Variants in FLT3 observed in about 807,000 individuals in gnomAD.
FLT3 encodes fms related receptor tyrosine kinase 3.
A neutral mutation model predicts 126.6 loss-of-function variants in FLT3; 46 were observed. The observed-to-expected ratio is 0.36, with a 90% CI of 0.29 to 0.46. The LOEUF (loss-of-function observed/expected upper bound fraction) is 0.46, where lower values mean the gene tolerates loss of function less well. Ranked by LOEUF, FLT3 falls within the 20% of genes least tolerant of loss-of-function variation. The pLI is 1.00. For synonymous variants in FLT3, 404 were observed against 434.4 expected (o/e 0.93, Z 0.87); for missense variants, 1,069 against 1,190.3 (o/e 0.90, Z 1.50).
chr13:28,091,505 G>C (rs1426466805), intron 1 of FLT3, among the ~76,000 whole-genome samples: 1 of 151,862 alleles, frequency 6.6e-6, no homozygotes, highest in Non-Finnish European at 1.5e-5. Context: ...ACAGGCGTGA[G>C]CCACCGCGCC....
chr13:28,039,210 T>C (rs1874117693), intron 9 of FLT3, among the ~76,000 whole-genome samples: 1 of 152,202 alleles, frequency 6.6e-6, no homozygotes, highest in Admixed American at 6.5e-5. Context: ...ACTTACTTTA[T>C]TTATTTATTG....
chr13:28,091,305 T>C (rs1440938978), intron 1 of FLT3, among the ~76,000 whole-genome samples: 7 of 127,324 alleles, frequency 5.5e-5, no homozygotes, highest in South Asian at 2.9e-4. Context: ...CACTGCAAGC[T>C]CCGCCTCCCG....
chr13:28,049,636 T>A lies in FLT3; in HGVS notation c.881A>T (p.Glu294Val). ...TWELENKALE[E>V]GNYFEMSTYS... Reference sequence around the variant, plus strand: ...CAGAATACAAACTTGTCCTATTACCTCCTCGAGTGCTTTGTTTTCTAATTC... The same window carrying A: ...CAGAATACAAACTTGTCCTATTACCACCTCGAGTGCTTTGTTTTCTAATTC... Residue 294 changes from glutamate (E) to valine (V), a missense_variant and splice_region_variant, in exon 7 of 24, where the codon GAG becomes GTG. Coordinates refer to ENST00000241453, the MANE Select transcript of FLT3 (RefSeq NM_004119.3). The A allele has an allele frequency of 6.2e-7, 1 of 1,614,130 alleles. No homozygotes were observed. Among genetic ancestry groups the A allele is most frequent in the Non-Finnish European group, 8.5e-7 (1 of 1,179,996 alleles).
chr13:28,013,527 T>C (rs997146147), intron 23 of FLT3, among the ~76,000 whole-genome samples: 10 of 152,238 alleles, frequency 6.6e-5, no homozygotes, highest in Non-Finnish European at 2.9e-5. Flanking sequence ...TCTCCTTTAT[T>C]TATTTCATCT....
chr13:28,010,383 C>T (rs1318015654), intron 23 of FLT3, among the ~76,000 whole-genome samples: 1 of 152,192 alleles, frequency 6.6e-6, no homozygotes, highest in East Asian at 1.9e-4. Flanking sequence ...TTGAGTCTCA[C>T]ATGGAGTTAC....
intron 1 of FLT3, among the ~76,000 whole-genome samples, chr13:28,082,193 C>T (rs1878370096): frequency 1.3e-5 from 2 of 152,078 alleles, no homozygotes; most frequent in Non-Finnish European, 2.9e-5. Flanking sequence ...CTCTGTCGCC[C>T]AGGCTGGAGT....
In FLT3 at chr13:28,023,449, C is replaced by G; in HGVS notation, c.2319G>C (p.Arg773Ser). The change falls in exon 19 of 24, where the codon AGG becomes AGC. Residue 773 changes from arginine (R) to serine (S), a missense_variant. Coordinates refer to ENST00000241453, the MANE Select transcript of FLT3 (RefSeq NM_004119.3). ...EDEIEYENQK[R>S]LEEEEDLNVL... ...CATTCAAGTCCTCCTCTTCTTCCAG[C>G]CTTTTTTGGTTTTCATATTCAATTT... is the stretch of plus-strand genomic sequence containing the variant. 1 of 1,613,966 alleles carries G rather than the reference C, an allele frequency of 6.2e-7. No individual in the cohort carries two copies. Among genetic ancestry groups the G allele is most frequent in the Non-Finnish European group, 8.5e-7 (1 of 1,179,938 alleles).
At chr13:28,030,561 C>T (rs61944202) in intron 15 of FLT3, among the ~76,000 whole-genome samples, 1,774 of 152,166 alleles carry the variant, frequency 0.012, 27 homozygotes, top group Middle Eastern at 0.048. Context: ...CAATACAGTG[C>T]CATAAATGCA....
intron 2 of FLT3, among the ~76,000 whole-genome samples, chr13:28,069,187 G>A (rs927871418): frequency 1.3e-5 from 2 of 151,742 alleles, no homozygotes; most frequent in African/African-American, 2.4e-5. Flanking sequence ...ATTGTAGCAG[G>A]AAGAGGCCAC....
At position 28,048,450 on chromosome 13, in the gene FLT3, G is replaced by C. The variant is rs753586227; in HGVS notation, c.1037-7C>G. 3 of 1,548,332 alleles carry C rather than the reference G, an allele frequency of 1.9e-6. No individual in the cohort carries two copies. In the East Asian group the frequency reaches 6.7e-5, roughly 35 times the overall value. On this transcript the variant is annotated splice_polypyrimidine_tract_variant and splice_region_variant and intron_variant, in intron 8 of 23. Coordinates refer to ENST00000241453, the MANE Select transcript of FLT3 (RefSeq NM_004119.3). Reference sequence around the variant, plus strand: ...GCATTTATAAATCCCTTTTCTGTAAGAAAAAATAGGCATTTATGAGTTAGT... The same window carrying C: ...GCATTTATAAATCCCTTTTCTGTAACAAAAAATAGGCATTTATGAGTTAGT...
chr13:28,077,248 A>G (rs1038843407), intron 1 of FLT3, among the ~76,000 whole-genome samples: 2 of 152,134 alleles, frequency 1.3e-5, no homozygotes, highest in Non-Finnish European at 2.9e-5. Context: ...AGCTTCATAT[A>G]TTAGTCCGTT....
At chr13:28,031,775 T>G (rs1873371669) in intron 15 of FLT3, among the ~76,000 whole-genome samples, 1 of 152,130 alleles carries the variant, frequency 6.6e-6, no homozygotes. Context: ...GCCAGCGCTC[T>G]GGGGTGCCGA....
intron 1 of FLT3, among the ~76,000 whole-genome samples, chr13:28,071,340 TA>T (rs1877503425): frequency 1.3e-5 from 2 of 151,968 alleles, no homozygotes; most frequent in African/African-American, 4.8e-5. Context: ...TATGGGTGCT[TA>T]TAGAATCTTT....
intron 9 of FLT3, among the ~76,000 whole-genome samples, chr13:28,040,801 G>A (rs924342233): frequency 8.6e-5 from 13 of 151,598 alleles, no homozygotes; most frequent in Middle Eastern, 3.4e-3. Flanking sequence ...GTTTGAGATC[G>A]GCCTGGGCAA....
At chr13:28,020,977 T>G (rs542799459) in intron 19 of FLT3, among the ~76,000 whole-genome samples, 33 of 152,222 alleles carry the variant, frequency 2.2e-4, no homozygotes, top group African/African-American at 7.7e-4. Context: ...ATTACAAGCC[T>G]GGGGTTGAAG....
chr13:28,024,369 G>A (rs1872640899), intron 18 of FLT3, among the ~76,000 whole-genome samples: 1 of 151,966 alleles, frequency 6.6e-6, no homozygotes, highest in South Asian at 2.1e-4. Context: ...CTGACCTCAG[G>A]TGACCTGCCT....
At chr13:28,099,570 C>G (rs955741701) in intron 1 of FLT3, among the ~76,000 whole-genome samples, 1 of 152,164 alleles carries the variant, frequency 6.6e-6, no homozygotes, top group Admixed American at 6.5e-5. Flanking sequence ...GATGAGGACG[C>G]GGAGGCCGGG....
intron 1 of FLT3, among the ~76,000 whole-genome samples, chr13:28,092,378 T>A (rs2137829686): frequency 6.6e-6 from 1 of 151,840 alleles, no homozygotes; most frequent in East Asian, 1.9e-4. Context: ...ATTTTGACTG[T>A]TTTTTTTAGA....
intron 2 of FLT3, chr13:28,067,890 A>G: frequency 2.5e-6 from 1 of 400,178 alleles, no homozygotes; most frequent in Non-Finnish European, 4.9e-6. Context: ...TGGCAAATAA[A>G]GAAAATAAGC....
Sources: gnomAD v4.1 joint callset for allele counts (sites outside exome capture counted in the v4.1 genomes callset) on GRCh38, gnomAD v4.1.1 for gene constraint, MANE v1.5 for transcripts, NCBI Gene and HGNC (gene_info 2026-07-23, HGNC 2026-07-21) for gene names.